NLGN3: variants seen among roughly 807,000 people sequenced by gnomAD.
NLGN3 encodes neuroligin-3.
A neutral mutation model predicts 42.9 loss-of-function variants in NLGN3; 11 were observed. The observed-to-expected ratio is 0.26, with a 90% CI of 0.16 to 0.42. The LOEUF is 0.42. Ranked by LOEUF, NLGN3 falls within the 10% of genes least tolerant of loss-of-function variation. NLGN3 has a pLI of 1.00. For missense variants in NLGN3, 374 were observed against 733.8 expected (o/e 0.51, Z 5.67); for synonymous variants, 279 against 312.7 (o/e 0.89, Z 1.14).
intron 3 of NLGN3, among the ~76,000 whole-genome samples, chrX:71,150,053 A>T (rs904195177): frequency 1.8e-5 from 2 of 110,955 alleles, no homozygotes; most frequent in African/African-American, 6.6e-5. Context: ...AGAGCCTGGA[A>T]ATCTATATGT....
intron 5 of NLGN3, among the ~76,000 whole-genome samples, chrX:71,156,495 C>T (rs1337175990): frequency 4.5e-5 from 5 of 110,795 alleles, no homozygotes; most frequent in African/African-American, 1.6e-4. Context: ...CCCCCACACA[C>T]ACATCCACAT....
chrX:71,153,513 A>G lies in NLGN3; in HGVS notation c.554A>G (p.Asp185Gly). The G allele has an allele frequency of 8.3e-7, 1 of 1,209,333 alleles. No homozygotes were observed. The highest frequency in any genetic ancestry group is 1.1e-6 in the Non-Finnish European group (1 of 894,132). The change falls in exon 4 of 8, where the codon GAT (aspartate) becomes GGT (glycine). Residue 185 changes from aspartate to glycine, a missense_variant. Asp to Gly is a moderately conservative substitution (Grantham distance 94). Coordinates refer to ENST00000358741, the MANE Select transcript of NLGN3 (RefSeq NM_181303.2). ...GAKKQGEDLA[D>G]NDGDEDEDIR... is the part of the protein sequence containing the mutation. ...AAGAAACAGGGCGAGGACTTAGCGG[A>G]TAATGACGGGGATGAAGATGAAGGT...
At chrX:71,159,544 A>G (rs1185456474) in intron 5 of NLGN3, among the ~76,000 whole-genome samples, 1 of 110,652 alleles carries the variant, frequency 9.0e-6, no homozygotes, top group Non-Finnish European at 1.9e-5. Context: ...AAGGAGTCCT[A>G]CACTGAGATT....
rs2092463485 is a variant in NLGN3, at chrX:71,169,655, G to A, written c.2105G>A (p.Arg702His). The part of the protein sequence containing the change: ...DAGPLLVENP[R>H]DYSTELSVTI... ...GGGCCACTCCTGGTGGAGAACCCTCGTGACTACTCCACTGAATTAAGTGTC... is the reference window on the plus strand; with the variant it reads ...GGGCCACTCCTGGTGGAGAACCCTCATGACTACTCCACTGAATTAAGTGTC... Residue 702 changes from arginine to histidine, a missense_variant, in exon 8 of 8, where the codon CGT becomes CAT. Transcript: ENST00000358741. The A allele has an allele frequency of 5.0e-6, 6 of 1,210,533 alleles. No homozygotes were observed. Among genetic ancestry groups the A allele is most frequent in the East Asian group, 3.0e-5 (1 of 33,758 alleles).
In NLGN3 at chrX:71,170,362, C is replaced by T; in HGVS notation, c.*265C>T. The T allele has an allele frequency of 9.9e-6, 10 of 1,012,534 alleles. No individual in the cohort carries two copies. The South Asian group carries it at 2.2e-4, about 22-fold the overall frequency. 83.4% of individuals were successfully genotyped at this position (1,012,534 alleles called of 1,213,427 possible). ...GATGAGTCCTCGGTAAACCGAGGAC[C>T]CATGAAACAGCAGCTGAAGCCAGCT... On this transcript the variant is annotated 3_prime_UTR_variant, in exon 8 of 8. Transcript: ENST00000358741.
In NLGN3 at chrX:71,164,169, G is replaced by T. The variant is rs1456543005; in HGVS notation, c.754G>T (p.Ala252Ser). 1 of 1,212,507 alleles carries T rather than the reference G, an allele frequency of 8.2e-7. No homozygotes were observed. Among genetic ancestry groups the T allele is most frequent in the Middle Eastern group, 2.3e-4 (1 of 4,355 alleles). Residue 252 changes from alanine to serine, a missense_variant, in exon 6 of 8, where the codon GCC (alanine) becomes TCC (serine). Around this residue, in one of 6 missense-constraint regions of NLGN3, gnomAD observed 28 missense variants for 48.2 expected, o/e 0.58. Coordinates refer to ENST00000358741, the MANE Select transcript of NLGN3 (RefSeq NM_181303.2). ...TTTCCTGAGTACTGGAGATCAGGCT[G>T]CCAAGGGCAACTATGGGCTCCTTGA... ...LGFLSTGDQA[A>S]KGNYGLLDQI...
downstream of NLGN3, chrX:71,171,281 C>CA: frequency 3.1e-6 from 2 of 652,617 alleles, no homozygotes; most frequent in Non-Finnish European, 3.6e-6. Context: ...GGCAATCAGG[C>CA]AGCCTCCCCC....
intron 5 of NLGN3, among the ~76,000 whole-genome samples, chrX:71,155,847 G>T (rs1309613231): frequency 9.1e-6 from 1 of 110,458 alleles, no homozygotes; most frequent in Non-Finnish European, 1.9e-5. Context: ...CCCCCATAAA[G>T]TACACACACC....
Position 71,164,267 on chromosome X carries a change from C to G in NLGN3, c.852C>G (p.Val284=), listed in dbSNP as rs1347599009. ...GGGGAGACCCCCGCCGGATCACTGT[C>G]TTTGGCTCGGGCATTGGTGCATCCT... ...FFGGDPRRIT[V]FGSGIGASCV... Residue 284 remains valine (V), a synonymous_variant, in exon 6 of 8, where the codon GTC becomes GTG. Coordinates refer to ENST00000358741, the MANE Select transcript of NLGN3 (RefSeq NM_181303.2). The G allele has an allele frequency of 5.0e-6, 6 of 1,211,513 alleles. No individual in the cohort carries two copies. In the African/African-American group the frequency reaches 1.0e-4, roughly 21 times the overall value.
chrX:71,146,187 A>T (rs1307028356), intron 1 of NLGN3, among the ~76,000 whole-genome samples: 2 of 89,676 alleles, frequency 2.2e-5, no homozygotes, highest in African/African-American at 8.6e-5. Context: ...ACACACACAC[A>T]CACACACACA....
intron 5 of NLGN3, among the ~76,000 whole-genome samples, chrX:71,162,449 G>A (rs1324883341): frequency 1.8e-5 from 2 of 111,460 alleles, no homozygotes; most frequent in East Asian, 5.6e-4. Flanking sequence ...AGACTCAAAG[G>A]AGCAGCTTCA....
intron 5 of NLGN3, among the ~76,000 whole-genome samples, chrX:71,161,667 G>A (rs753843031): frequency 8.1e-5 from 9 of 111,281 alleles, no homozygotes; most frequent in South Asian, 3.8e-4. Flanking sequence ...CCAGCTACTC[G>A]CAAGGCTGAG....
Position 71,144,982 on chromosome X carries a change from G to C in NLGN3, c.-201+18G>C, listed in dbSNP as rs1374426033. ...GGGAACAGGTGAGGCCGCCTGCCCC[G>C]GTCTCTCATCCTCTAGCTGCCCATA... On this transcript the variant is annotated intron_variant, in intron 1 of 7. Transcript: ENST00000358741. The C allele has an allele frequency of 9.1e-6, 1 of 109,956 alleles. No homozygotes were observed. Among genetic ancestry groups the C allele is most frequent in the Non-Finnish European group, 1.9e-5 (1 of 52,542 alleles). 9.1% of individuals were successfully genotyped at this position (109,956 alleles called of 1,213,427 possible).
rs769930005 is a variant in NLGN3 at position 71,147,799 on chromosome X, C to G, written c.50C>G (p.Thr17Arg). 5 of 1,210,199 alleles carry G rather than the reference C, an allele frequency of 4.1e-6. 1 individual carries two copies. The East Asian group carries it at 1.5e-4, about 36-fold the overall frequency. ...PPSLSLSPKP[T>R]VGRSLCLTLW... ...TCGCTGTCCCTGAGCCCCAAGCCCA[C>G]GGTTGGCAGGAGCCTGTGCCTCACC... The change falls in exon 2 of 8, where the codon ACG (threonine) becomes AGG (arginine). Residue 17 changes from threonine (T) to arginine (R), a missense_variant. Physicochemically the swap from Thr to Arg is moderately conservative, Grantham distance 71. Around this residue, in one of 6 missense-constraint regions of NLGN3, gnomAD observed 109 missense variants for 173.3 expected, o/e 0.63. Transcript: ENST00000358741.
chrX:71,148,410 T>C (rs1370453349), intron 2 of NLGN3, among the ~76,000 whole-genome samples: 1 of 107,906 alleles, frequency 9.3e-6, no homozygotes, highest in African/African-American at 3.4e-5. Flanking sequence ...TGAGTGACAC[T>C]GTTGCCAGGA....
intron 5 of NLGN3, among the ~76,000 whole-genome samples, chrX:71,161,613 A>C (rs1346143346): frequency 2.7e-5 from 3 of 109,837 alleles, no homozygotes; most frequent in East Asian, 5.9e-4. Flanking sequence ...ATCTCTATTA[A>C]AAATATAAAA....
chrX:71,170,055 C>T lies in NLGN3; in HGVS notation c.2505C>T (p.Asn835=). ...HPYNTFAAGF[N]STGLPHSHST... ...ATAACACCTTTGCCGCAGGGTTCAA[C>T]AGTACCGGGCTGCCCCACTCACACT... The change falls in exon 8 of 8, where the codon AAC becomes AAT. Residue 835 remains asparagine, a synonymous_variant. Coordinates refer to ENST00000358741, the MANE Select transcript of NLGN3 (RefSeq NM_181303.2). 8.3e-7 allele frequency: 1 copy of T among 1,210,163 alleles called. No individual in the cohort carries two copies. The highest frequency in any genetic ancestry group is 1.1e-6 in the Non-Finnish European group (1 of 895,081).
At position 71,169,867 on chromosome X, in the gene NLGN3, C is replaced by G; in HGVS notation, c.2317C>G (p.His773Asp). ...LAALQLGPTH[H>D]ECEAGPPHDT... Reference sequence around the variant, plus strand: ...AGCATTACAACTGGGCCCCACCCACCACGAGTGTGAGGCCGGTCCCCCCCA... The same window carrying G: ...AGCATTACAACTGGGCCCCACCCACGACGAGTGTGAGGCCGGTCCCCCCCA... Residue 773 changes from histidine to aspartate, a missense_variant, in exon 8 of 8, where the codon CAC becomes GAC. Physicochemically the swap from His to Asp is moderately conservative, Grantham distance 81. Coordinates refer to ENST00000358741, the MANE Select transcript of NLGN3 (RefSeq NM_181303.2). 1 of 1,200,498 alleles carries G rather than the reference C, an allele frequency of 8.3e-7. No homozygotes were observed. The highest frequency in any genetic ancestry group is 1.7e-5 in the African/African-American group (1 of 57,335).
At chrX:71,165,519 A>C (rs1242806540) in intron 6 of NLGN3, among the ~76,000 whole-genome samples, 3 of 107,356 alleles carry the variant, frequency 2.8e-5, no homozygotes, top group Non-Finnish European at 5.8e-5. Context: ...TGGAGGTTTG[A>C]CTTTTTTTTT....
Sources: allele counts gnomAD v4.1 joint callset (sites outside exome capture counted in the v4.1 genomes callset), GRCh38; gene constraint gnomAD v4.1.1; regional missense constraint gnomAD v4.1.1; transcripts MANE v1.5; gene names NCBI Gene and HGNC (gene_info 2026-07-23, HGNC 2026-07-21).